Variants in TBL1XR1 observed in about 807,000 individuals in gnomAD.
TBL1XR1 encodes the protein TBL1X/Y related 1, also known as F-box-like/WD repeat-containing protein TBL1XR1.
TBL1XR1 carries 5 observed loss-of-function variants against 66.9 expected under a neutral mutation model. The observed-to-expected ratio is 0.07, with a 90% CI of 0.04 to 0.16. TBL1XR1 has a LOEUF of 0.16. Among genes scored for constraint, TBL1XR1 ranks in the 10% least tolerant of loss-of-function variants. The pLI, the probability that TBL1XR1 is intolerant of heterozygous loss-of-function variation, is 1.00. For missense variants in TBL1XR1, 238 were observed against 623.2 expected, an observed-to-expected ratio of 0.38 and a Z score of 6.58; for synonymous variants, 210 against 206.0, an observed-to-expected ratio of 1.02 and a Z score of -0.17.
chr3:177,049,902 A>G, intron 7 of TBL1XR1, 95 bp downstream of exon 7: 2 of 1,426,022 alleles, frequency 1.4e-6, no homozygotes, highest in Non-Finnish European at 9.4e-7. Flanking sequence ...AAAACCCCAA[A>G]TTCTGAACAA....
chr3:177,200,961 A>AGT (rs367989762), upstream of TBL1XR1, among the ~76,000 whole-genome samples: 29 of 150,756 alleles, frequency 1.9e-4, no homozygotes, highest in African/African-American at 6.8e-4. Flanking sequence ...GAGCCGAGAT[A>AGT]GTGCCACTGC....
At chr3:177,051,460 T>C in intron 5 of TBL1XR1, 44 bp downstream of exon 5, 1 of 1,527,372 alleles carries the variant, frequency 6.5e-7, no homozygotes, top group Non-Finnish European at 8.8e-7. Context: ...AAAAAATAAA[T>C]AAATAAACCA....
intron 1 of TBL1XR1, among the ~76,000 whole-genome samples, chr3:177,117,971 T>C (rs1283928724): frequency 6.6e-6 from 1 of 152,210 alleles, no homozygotes; most frequent in Non-Finnish European, 1.5e-5. Context: ...CAGGAGTCTA[T>C]CGTAGGTAGT....
intron 2 of TBL1XR1, among the ~76,000 whole-genome samples, chr3:177,094,881 G>T (rs1723265748): frequency 1.3e-5 from 2 of 152,038 alleles, no homozygotes; most frequent in Admixed American, 1.3e-4. Context: ...ACACTGCACA[G>T]GTGATGAGTG....
chr3:177,084,617 T>C (rs1721898552), intron 2 of TBL1XR1, among the ~76,000 whole-genome samples: 1 of 152,264 alleles, frequency 6.6e-6, no homozygotes, highest in Non-Finnish European at 1.5e-5. Flanking sequence ...TAGGAGAGTT[T>C]ATAAACCACA....
At chr3:177,178,205 G>C (rs909387433) in intron 1 of TBL1XR1, among the ~76,000 whole-genome samples, 16 of 152,176 alleles carry the variant, frequency 1.1e-4, no homozygotes, top group African/African-American at 3.9e-4. Context: ...TCGCACAGCA[G>C]AGTTTGGGGA....
At chr3:177,179,971 C>T (rs913574362) in intron 1 of TBL1XR1, among the ~76,000 whole-genome samples, 19 of 151,986 alleles carry the variant, frequency 1.3e-4, no homozygotes, top group Non-Finnish European at 7.4e-5. Context: ...TGGGTGCAGT[C>T]GCTCATGCCT....
At chr3:177,061,948 C>A (rs985173433) in intron 3 of TBL1XR1, among the ~76,000 whole-genome samples, 4 of 152,284 alleles carry the variant, frequency 2.6e-5, no homozygotes, top group Middle Eastern at 3.4e-3. Flanking sequence ...GTGCCCAGAT[C>A]TAAAGCTACT....
intron 1 of TBL1XR1, among the ~76,000 whole-genome samples, chr3:177,121,841 A>G (rs1449412632): frequency 1.3e-5 from 2 of 152,112 alleles, no homozygotes; most frequent in East Asian, 1.9e-4. Context: ...GAATGTTCTT[A>G]GCTAAAGATT....
intron 1 of TBL1XR1, among the ~76,000 whole-genome samples, chr3:177,167,525 C>T (rs1278932572): frequency 3.3e-5 from 5 of 152,232 alleles, no homozygotes; most frequent in Admixed American, 6.5e-5. Flanking sequence ...CTGTAACCAA[C>T]GTACCACTCT....
intron 1 of TBL1XR1, among the ~76,000 whole-genome samples, chr3:177,167,258 T>A (rs1732929591): frequency 6.6e-6 from 1 of 152,136 alleles, no homozygotes; most frequent in African/African-American, 2.4e-5. Context: ...GGCTACATAC[T>A]ACATGATTCC....
At chr3:177,182,742 AATTT>A (rs151077588) in intron 1 of TBL1XR1, among the ~76,000 whole-genome samples, 4,898 of 152,322 alleles carry the variant, frequency 0.032, 103 homozygotes, top group Non-Finnish European at 0.044. Flanking sequence ...CAAGGATGTT[AATTT>A]AAGACTGTCA....
chr3:177,139,441 A>C (rs1729372278), intron 1 of TBL1XR1, among the ~76,000 whole-genome samples: 1 of 152,132 alleles, frequency 6.6e-6, no homozygotes, highest in Admixed American at 6.5e-5. Flanking sequence ...CGGCTGAGGC[A>C]GGAGAATCGC....
chr3:177,106,177 A>T (rs1724861796), intron 1 of TBL1XR1, among the ~76,000 whole-genome samples: 1 of 152,200 alleles, frequency 6.6e-6, no homozygotes, highest in South Asian at 2.1e-4. Context: ...TGCATAAAAA[A>T]CACATAAAGC....
upstream of TBL1XR1, among the ~76,000 whole-genome samples, chr3:177,201,414 CAAAAAAAA>C (rs557996871): frequency 2.4e-5 from 1 of 41,356 alleles, no homozygotes; most frequent in African/African-American, 7.1e-5. Context: ...GATTACATCT[CAAAAAAAA>C]AAAAAAAAAA....
Position 177,134,081 on chromosome 3 carries a change from C to T in TBL1XR1, c.-121-35540G>A, listed in dbSNP as rs527482272. On this transcript the variant is annotated intron_variant, in intron 1 of 15. Coordinates refer to ENST00000457928, the MANE Select transcript of TBL1XR1 (RefSeq NM_024665.7). ...GGCAAATCAGACAGTCTCCTAGATA[C>T]GTGAATGTAAAGAGAGAGAAATTAT... Among the ~76,000 whole-genome samples, 8 of 152,092 alleles carry T rather than the reference C, an allele frequency of 5.3e-5. No individual in the cohort carries two copies. The Middle Eastern group carries it at 0.01, about 194-fold the overall frequency.
intron 1 of TBL1XR1, among the ~76,000 whole-genome samples, chr3:177,193,765 T>C (rs1226420529): frequency 1.3e-5 from 2 of 152,198 alleles, no homozygotes; most frequent in East Asian, 1.9e-4. Flanking sequence ...AAGGATGATC[T>C]ACACGGATCA....
chr3:177,100,372 A>G (rs1441477501), intron 1 of TBL1XR1, among the ~76,000 whole-genome samples: 2 of 152,244 alleles, frequency 1.3e-5, no homozygotes, highest in African/African-American at 2.4e-5. Context: ...ACTAGTATCT[A>G]AAGGTACAAC....
At chr3:177,166,258 T>C (rs1732809291) in intron 1 of TBL1XR1, among the ~76,000 whole-genome samples, 1 of 151,814 alleles carries the variant, frequency 6.6e-6, no homozygotes, top group Non-Finnish European at 1.5e-5. Flanking sequence ...ATGAGATAAA[T>C]AAAATACAAT....
Sources: allele counts gnomAD v4.1 joint callset (sites outside exome capture counted in the v4.1 genomes callset), GRCh38; gene constraint gnomAD v4.1.1; transcripts MANE v1.5; gene names NCBI Gene and HGNC (gene_info 2026-07-23, HGNC 2026-07-21).